The following INPP5K variants were observed in gnomAD, a reference collection of about 807,000 sequenced individuals.
INPP5K encodes inositol polyphosphate-5-phosphatase K.
In INPP5K, 35 loss-of-function variants were observed where a neutral mutation model predicts 53.5. The observed-to-expected ratio is 0.65, with a 90% CI of 0.50 to 0.87. The LOEUF is 0.87. Among genes scored for constraint, INPP5K ranks in the 40% least tolerant of loss-of-function variants. The pLI, the probability that INPP5K is intolerant of heterozygous loss-of-function variation, is 0.00. For missense variants in INPP5K, 550 were observed against 586.2 expected (o/e 0.94, Z 0.64); for synonymous variants, 253 against 232.8 (o/e 1.09, Z -0.79).
chr17:1,511,540 C>T (rs781218676), intron 3 of INPP5K, among the ~76,000 whole-genome samples: 1 of 152,126 alleles, frequency 6.6e-6, no homozygotes, highest in Non-Finnish European at 1.5e-5. Flanking sequence ...CCTGGCATAG[C>T]GGAGTCGAAG....
chr17:1,496,740 T>C lies in INPP5K; in HGVS notation c.1027A>G (p.Asn343Asp), dbSNP rs755238668. 6 of 1,614,178 alleles carry C rather than the reference T, an allele frequency of 3.7e-6. No individual in the cohort carries two copies. In the South Asian group the frequency reaches 6.6e-5, roughly 18 times the overall value. Residue 343 changes from asparagine (N) to aspartate (D), a missense_variant, in exon 9 of 12, where the codon AAT (asparagine) becomes GAT (aspartate). Physicochemically the swap from Asn to Asp is conservative, Grantham distance 23. Coordinates refer to ENST00000421807, the MANE Select transcript of INPP5K (RefSeq NM_016532.4). ...LMPEDLWTVENDMMVSYSSTS... is the reference protein window; with the variant it reads ...LMPEDLWTVEDDMMVSYSSTS... The stretch of plus-strand genomic sequence containing the variant: ...GAAGAGTAGCTGACCATCATGTCAT[T>C]TTCCACGGTCCACAGGTCCTCGGGC...
chr17:1,499,279 A>C (rs1255596376), intron 7 of INPP5K, among the ~76,000 whole-genome samples: 1 of 152,176 alleles, frequency 6.6e-6, no homozygotes, highest in East Asian at 1.9e-4. Flanking sequence ...TTGGGAGGCC[A>C]GGGTGGGTGG....
chr17:1,509,954 A>T (rs2075268504), intron 3 of INPP5K, among the ~76,000 whole-genome samples, 155 bp from the exon 4 acceptor site: 1 of 152,262 alleles, frequency 6.6e-6, no homozygotes, highest in Non-Finnish European at 1.5e-5. Context: ...CAGAGTTTCA[A>T]GCCTTTCCAT....
Position 1,513,996 on chromosome 17 carries a change from G to C in INPP5K, c.45-17C>G. On this transcript the variant is annotated splice_polypyrimidine_tract_variant and intron_variant, in intron 1 of 11. Coordinates refer to ENST00000421807, the MANE Select transcript of INPP5K (RefSeq NM_016532.4). The stretch of plus-strand genomic sequence containing the variant: ...ACGTGTATGCTGCGGAAGGGATGCA[G>C]AGGGAAGTCATGGAGGAAGGAGGAT... The C allele has an allele frequency of 1.3e-6, 2 of 1,573,998 alleles. No homozygotes were observed. The highest frequency in any genetic ancestry group is 1.7e-6 in the Non-Finnish European group (2 of 1,147,064).
At chr17:1,505,805 G>A (rs2075140405) in intron 7 of INPP5K, among the ~76,000 whole-genome samples, 1 of 152,162 alleles carries the variant, frequency 6.6e-6, no homozygotes, top group Non-Finnish European at 1.5e-5. Flanking sequence ...AGACACTCCA[G>A]CTAGGAGGAA....
Position 1,506,966 on chromosome 17 carries a change from C to G in INPP5K, c.776+14G>C, listed in dbSNP as rs1261590292. The G allele has an allele frequency of 1.5e-5, 24 of 1,588,468 alleles. No individual in the cohort carries two copies. Among genetic ancestry groups the G allele is most frequent in the African/African-American group, 2.7e-5 (2 of 74,384 alleles). ...TGACTTCCTAGACCTTCTGGCCCCC[C>G]ACTCCCTCCTCACCTGGTGTCATAG... is the stretch of plus-strand genomic sequence containing the variant. On this transcript the variant is annotated intron_variant, in intron 7 of 11. Transcript: ENST00000421807.
chr17:1,505,093 C>T (rs1002783272), intron 7 of INPP5K, among the ~76,000 whole-genome samples: 1 of 152,172 alleles, frequency 6.6e-6, no homozygotes, highest in East Asian at 1.9e-4. Context: ...GACGCCTGGC[C>T]GTAGGGCCTG....
Position 1,496,474 on chromosome 17 carries a change from G to A in INPP5K, c.1102-72C>T. 10 of 1,382,172 alleles carry A rather than the reference G, an allele frequency of 7.2e-6. No individual in the cohort carries two copies. The South Asian group carries it at 8.7e-5, about 12-fold the overall frequency. 85.6% of individuals were successfully genotyped at this position (1,382,172 alleles called of 1,614,324 possible). On this transcript the variant is annotated intron_variant, in intron 9 of 11. Transcript: ENST00000421807. The stretch of plus-strand genomic sequence containing the variant: ...CTAAGGCAAGTCCTAAGGAAGAGAT[G>A]GTCTCCCTGCTGGGCCTGGCTACCG...
rs375320761 is a variant in INPP5K at position 1,509,718 on chromosome 17, T to A, written c.343A>T (p.Thr115Ser). 1 of 1,613,000 alleles carries A rather than the reference T, an allele frequency of 6.2e-7. No homozygotes were observed. The highest frequency in any genetic ancestry group is 1.3e-5 in the African/African-American group (1 of 74,860). Residue 115 changes from threonine (T) to serine (S), a missense_variant, in exon 4 of 12, where the codon ACT (threonine) becomes TCT (serine). Physicochemically the swap from Thr to Ser is moderately conservative, Grantham distance 58. Transcript: ENST00000421807. ...AACAGGCCAGTGGGGGTGGATTTAG[T>A]AGACAGAATCTGGATATAGGGCAAA... ...QHLPYIQILS[T>S]KSTPTGLFGY... is the part of the protein sequence containing the mutation.
At chr17:1,505,577 G>A (rs1337096810) in intron 7 of INPP5K, among the ~76,000 whole-genome samples, 1 of 152,096 alleles carries the variant, frequency 6.6e-6, no homozygotes, top group Non-Finnish European at 1.5e-5. Flanking sequence ...TTCTGTGGAC[G>A]GCCCTGCTCA....
chr17:1,499,849 G>GATCA (rs537663026), intron 7 of INPP5K, among the ~76,000 whole-genome samples: 9 of 152,074 alleles, frequency 5.9e-5, no homozygotes, highest in Non-Finnish European at 4.4e-5. Context: ...AGCCTAATTG[G>GATCA]ATCAATCAAT....
At chr17:1,503,385 C>T (rs1390309431) in intron 7 of INPP5K, among the ~76,000 whole-genome samples, 5 of 151,846 alleles carry the variant, frequency 3.3e-5, no homozygotes, top group East Asian at 3.9e-4. Context: ...GGGGTTTCAC[C>T]GTGTTCACCA....
At chr17:1,510,119 C>T (rs1007776634) in intron 3 of INPP5K, among the ~76,000 whole-genome samples, 1 of 152,248 alleles carries the variant, frequency 6.6e-6, no homozygotes, top group African/African-American at 2.4e-5. Context: ...TAGTATTTGA[C>T]ATTGAGGCAG....
In INPP5K at chr17:1,496,762, G is replaced by C. The variant is rs781075480; in HGVS notation, c.1005C>G (p.Pro335=). ...CATTTTCCACGGTCCACAGGTCCTC[G>C]GGCATCAGGACGATCAGCGGAGCAG... ...LVSAPLIVLM[P]EDLWTVENDM... is the part of the protein sequence containing the mutation. The change falls in exon 9 of 12, where the codon CCC becomes CCG. Residue 335 remains proline, a synonymous_variant. Coordinates refer to ENST00000421807, the MANE Select transcript of INPP5K (RefSeq NM_016532.4). 5.6e-6 allele frequency: 9 copies of C among 1,614,038 alleles called. No homozygotes were observed. The highest frequency in any genetic ancestry group is 2.2e-5 in the East Asian group (1 of 44,894).
chr17:1,496,809 C>T lies in INPP5K; in HGVS notation c.964-6G>A, dbSNP rs1255815620. ...GCAGACACCAATGGCTTCAGCTAGA[C>T]ACGGGGGTGGGAAGGGGGCTGAATC... On this transcript the variant is annotated splice_polypyrimidine_tract_variant and splice_region_variant and intron_variant, in intron 8 of 11. Coordinates refer to ENST00000421807, the MANE Select transcript of INPP5K (RefSeq NM_016532.4). The T allele has an allele frequency of 3.1e-6, 5 of 1,613,636 alleles. No homozygotes were observed. The South Asian group carries it at 4.4e-5, about 14-fold the overall frequency.
intron 2 of INPP5K, 105 bp from the exon 3 acceptor site, chr17:1,513,666 G>A (rs1475868233): frequency 1.9e-6 from 2 of 1,067,302 alleles, no homozygotes; most frequent in East Asian, 2.4e-5. Flanking sequence ...GAGTTCTGAT[G>A]GCCATGAGGT....
At chr17:1,500,941 CCTT>C (rs944137496) in intron 7 of INPP5K, among the ~76,000 whole-genome samples, 3 of 151,614 alleles carry the variant, frequency 2.0e-5, no homozygotes, top group Admixed American at 6.6e-5. Context: ...ATTTTTGTCT[CCTT>C]CTTTATTCAA....
rs554111045 is a variant in INPP5K, at chr17:1,511,525, C to T, written c.262-1726G>A. ...TTATGAAACTTGATCCTGCAGGCCA[C>T]GAGCCCTGGCATAGCGGAGTCGAAG... is the stretch of plus-strand genomic sequence containing the variant. On this transcript the variant is annotated intron_variant, in intron 3 of 11. Transcript: ENST00000421807. Among the ~76,000 whole-genome samples, 17 of 152,226 alleles carry T rather than the reference C, an allele frequency of 1.1e-4. No individual in the cohort carries two copies. In the South Asian group the frequency reaches 2.5e-3, roughly 22 times the overall value.
At chr17:1,502,518 C>T (rs2075050573) in intron 7 of INPP5K, among the ~76,000 whole-genome samples, 1 of 151,938 alleles carries the variant, frequency 6.6e-6, no homozygotes, top group Non-Finnish European at 1.5e-5. Context: ...CTCCTCAGGA[C>T]TCTCAGCCCA....
Sources: gnomAD v4.1 joint callset for allele counts (sites outside exome capture counted in the v4.1 genomes callset) on GRCh38, gnomAD v4.1.1 for gene constraint, MANE v1.5 for transcripts, NCBI Gene and HGNC (gene_info 2026-07-23, HGNC 2026-07-21) for gene names.